ADCY10: variants seen among roughly 807,000 people sequenced by gnomAD.
ADCY10 encodes adenylate cyclase type 10.
Under a neutral mutation model 183.3 loss-of-function variants are expected in ADCY10, and 156 were observed. The observed-to-expected ratio is 0.85, with a 90% CI of 0.75 to 0.97. The LOEUF (loss-of-function observed/expected upper bound fraction) is 0.97. Among genes scored for constraint, ADCY10 ranks in the 50% least tolerant of loss-of-function variants. The pLI, the probability that ADCY10 is intolerant of heterozygous loss-of-function variation, is 0.00. For missense variants in ADCY10, 1,745 were observed against 1,934.3 expected (o/e 0.90, Z 1.84); for synonymous variants, 645 against 670.0 (o/e 0.96, Z 0.58).
In ADCY10 at chr1:167,823,802, T is replaced by C. The variant is rs887183779; in HGVS notation, c.4052+674A>G. The stretch of plus-strand genomic sequence containing the variant: ...TTTTTTCAAATTGTTCTTTCCTGGG[T>C]CCTCTATATCAGGGTGACCAGAGTC... On this transcript the variant is annotated intron_variant, in intron 28 of 32. Coordinates refer to ENST00000367851, the MANE Select transcript of ADCY10 (RefSeq NM_018417.6). Among the ~76,000 whole-genome samples the C allele has an allele frequency of 2.6e-5, 4 of 152,266 alleles. No individual in the cohort carries two copies. The South Asian group carries it at 8.3e-4, about 32-fold the overall frequency.
chr1:167,853,951 G>A (rs556377479), intron 18 of ADCY10, among the ~76,000 whole-genome samples: 1 of 147,224 alleles, frequency 6.8e-6, no homozygotes, highest in African/African-American at 2.5e-5. Context: ...AGATACTCCT[G>A]CCTCAGCCTC....
At chr1:167,831,147 A>AT (rs1054505607) in intron 25 of ADCY10, among the ~76,000 whole-genome samples, 3 of 151,926 alleles carry the variant, frequency 2.0e-5, no homozygotes, top group Middle Eastern at 3.2e-3. Flanking sequence ...TGTGGAAATG[A>AT]TTTTTTTTAA....
chr1:167,821,633 T>C (rs937962189), intron 30 of ADCY10, among the ~76,000 whole-genome samples: 1 of 152,224 alleles, frequency 6.6e-6, no homozygotes, highest in Admixed American at 6.5e-5. Flanking sequence ...ATAAGCCATG[T>C]CTTCCAACAT....
rs1433130601 is a variant in ADCY10 at position 167,914,035 on chromosome 1, G to C, written c.-118C>G. ...CTCAGTTAGGGACTAGGTCTTTTAA[G>C]ACTGCAGAAGACAGGAGAGGAGGCC... On this transcript the variant is annotated 5_prime_UTR_variant, in exon 1 of 33. Transcript: ENST00000367851. The C allele has an allele frequency of 6.6e-6, 1 of 152,340 alleles. No homozygotes were observed. Among genetic ancestry groups the C allele is most frequent in the African/African-American group, 2.4e-5 (1 of 41,466 alleles). The allele number at this position is 152,340 out of a possible 1,614,324, so 9.4% of individuals were successfully genotyped here. A position where few individuals can be genotyped will look rare whatever the true frequency, so the allele number is the denominator to read the frequency against.
At chr1:167,861,458 T>C (rs1666282919) in intron 14 of ADCY10, among the ~76,000 whole-genome samples, 1 of 152,188 alleles carries the variant, frequency 6.6e-6, no homozygotes. Context: ...TGCCTAGCAA[T>C]CTACCCTTCA....
At chr1:167,884,055 G>A (rs1668055177) in intron 8 of ADCY10, among the ~76,000 whole-genome samples, 1 of 152,052 alleles carries the variant, frequency 6.6e-6, no homozygotes, top group Non-Finnish European at 1.5e-5. Context: ...ATCACATCAG[G>A]GTAAATGGAT....
chr1:167,884,780 C>T (rs1192558812), intron 8 of ADCY10, among the ~76,000 whole-genome samples: 4 of 150,972 alleles, frequency 2.6e-5, no homozygotes, highest in Admixed American at 2.6e-4. Context: ...TCACTGCAAC[C>T]TCTGCCTCCT....
intron 24 of ADCY10, 113 bp from the exon 25 acceptor site, chr1:167,833,275 G>T: frequency 9.9e-7 from 1 of 1,009,170 alleles, no homozygotes; most frequent in East Asian, 2.4e-5. Context: ...GGTAATTTAT[G>T]GACCAGAAAC....
At position 167,880,618 on chromosome 1, in the gene ADCY10, G is replaced by C; in HGVS notation, c.1021-9C>G. 2 of 1,588,138 alleles carry C rather than the reference G, an allele frequency of 1.3e-6. No individual in the cohort carries two copies. Among genetic ancestry groups the C allele is most frequent in the Non-Finnish European group, 8.6e-7 (1 of 1,156,430 alleles). ...CAGAGGAAAGAGCAGCCCTGTGAGG[G>C]AGAGAGACAGCAACCACAGCTGATG... On this transcript the variant is annotated splice_polypyrimidine_tract_variant and intron_variant, in intron 9 of 32. Coordinates refer to ENST00000367851, the MANE Select transcript of ADCY10 (RefSeq NM_018417.6).
At chr1:167,905,219 G>A in intron 1 of ADCY10, 21 bp from the exon 2 acceptor site, 1 of 1,473,976 alleles carries the variant, frequency 6.8e-7, no homozygotes, top group Non-Finnish European at 9.5e-7. Flanking sequence ...AATTGAAATA[G>A]AGGAAATCTG....
intron 13 of ADCY10, among the ~76,000 whole-genome samples, chr1:167,873,792 A>C (rs1447269975): frequency 2.6e-5 from 4 of 152,250 alleles, no homozygotes; most frequent in Non-Finnish European, 4.4e-5. Context: ...GGGTAAGGAA[A>C]GGTATCTCAA....
At chr1:167,815,127 A>G (rs1321588205) in intron 31 of ADCY10, among the ~76,000 whole-genome samples, 1 of 151,464 alleles carries the variant, frequency 6.6e-6, no homozygotes. Context: ...TCTGTCTCCA[A>G]CAACAACAAC....
chr1:167,863,011 C>T (rs958215744), intron 14 of ADCY10, among the ~76,000 whole-genome samples: 6 of 152,180 alleles, frequency 3.9e-5, no homozygotes, highest in Non-Finnish European at 5.9e-5. Context: ...TTAGATCTGT[C>T]TTCCAGGGAA....
rs1663159990 is a variant in ADCY10 at position 167,824,801 on chromosome 1, C to G, written c.3805G>C (p.Gly1269Arg). ...ATGACTTCATATTTGAACCACACAC[C>G]TTTGTAGCCAGCCAGGTGGTGGTAT... Reference protein sequence around the residue: ...SLYHHLAGYKGVWFKYEVMAM... With the variant: ...SLYHHLAGYKRVWFKYEVMAM... Residue 1269 changes from glycine (G) to arginine (R), a missense_variant, in exon 27 of 33, where the codon GGT becomes CGT. Transcript: ENST00000367851. The G allele has an allele frequency of 1.1e-5, 17 of 1,614,088 alleles. No individual in the cohort carries two copies. Among genetic ancestry groups the G allele is most frequent in the Non-Finnish European group, 1.4e-5 (16 of 1,180,048 alleles).
intron 4 of ADCY10, 104 bp downstream of exon 4, chr1:167,901,912 C>T (rs1299278092): frequency 6.2e-7 from 1 of 1,606,594 alleles, no homozygotes; most frequent in East Asian, 2.2e-5. Context: ...CAGCCTATCT[C>T]CTGGCCACTC....
intron 11 of ADCY10, 139 bp from the exon 12 acceptor site, chr1:167,878,774 A>C: frequency 2.8e-5 from 24 of 867,436 alleles, no homozygotes; most frequent in Middle Eastern, 3.5e-4. Flanking sequence ...GCCTAGTCTC[A>C]AGACCCATAT....
intron 31 of ADCY10, 60 bp from the exon 32 acceptor site, chr1:167,810,973 T>C (rs1662171868): frequency 1.3e-6 from 2 of 1,489,102 alleles, no homozygotes; most frequent in Admixed American, 1.7e-5. Context: ...TGACTGTAAG[T>C]TATTTCCTTC....
intron 2 of ADCY10, chr1:167,904,600 CA>C (rs1336190673): frequency 2.1e-6 from 1 of 469,462 alleles, no homozygotes; most frequent in Non-Finnish European, 3.8e-6. Flanking sequence ...ACACACATTT[CA>C]AACACTTCTG....
intron 9 of ADCY10, among the ~76,000 whole-genome samples, chr1:167,880,966 A>T (rs1489565369): frequency 6.6e-6 from 1 of 152,206 alleles, no homozygotes; most frequent in Non-Finnish European, 1.5e-5. Flanking sequence ...CAGCTCTGGA[A>T]TCAGAAAGTC....
Sources: gnomAD v4.1 joint callset for allele counts (sites outside exome capture counted in the v4.1 genomes callset) on GRCh38, gnomAD v4.1.1 for gene constraint, MANE v1.5 for transcripts, NCBI Gene and HGNC (gene_info 2026-07-23, HGNC 2026-07-21) for gene names.